The following IL12RB2 variants were observed in gnomAD, a reference collection of about 807,000 sequenced individuals.
The protein encoded by IL12RB2 is interleukin 12 receptor subunit beta 2, also known as interleukin-12 receptor subunit beta-2.
IL12RB2 carries 82 observed loss-of-function variants against 89.4 expected under a neutral mutation model. The ratio of observed to expected loss-of-function variants is 0.92; its 90% CI spans 0.77 to 1.10. IL12RB2 has a LOEUF of 1.10. Among genes scored for constraint, IL12RB2 ranks in the 50% least tolerant of loss-of-function variants. The pLI, the probability that IL12RB2 is intolerant of heterozygous loss-of-function variation, is 0.00. For synonymous variants in IL12RB2, 368 were observed against 370.1 expected (o/e 0.99, Z 0.07); for missense variants, 963 against 1,031.9 (o/e 0.93, Z 0.92).
chr1:67,372,078 C>CTGTGTG (rs10674846), intron 11 of IL12RB2, among the ~76,000 whole-genome samples: 155 of 144,060 alleles, frequency 1.1e-3, no homozygotes, highest in African/African-American at 2.1e-3. Flanking sequence ...GTGTGTGTGT[C>CTGTGTG]TGTGTGTGTG....
chr1:67,318,817 A>G (rs1287673031), intron 2 of IL12RB2, among the ~76,000 whole-genome samples: 1 of 152,108 alleles, frequency 6.6e-6, no homozygotes, highest in Non-Finnish European at 1.5e-5. Flanking sequence ...TCTACTCTGA[A>G]ATCTTTAGCT....
chr1:67,378,242 T>A (rs1664187004), intron 13 of IL12RB2, among the ~76,000 whole-genome samples: 1 of 152,182 alleles, frequency 6.6e-6, no homozygotes, highest in Non-Finnish European at 1.5e-5. Context: ...CCCCAGCTTT[T>A]GAAAGGTCAC....
chr1:67,360,901 C>T (rs901917677), intron 10 of IL12RB2, among the ~76,000 whole-genome samples: 2 of 152,112 alleles, frequency 1.3e-5, no homozygotes, highest in African/African-American at 4.8e-5. Context: ...CAGAACCTAA[C>T]CAGCCTGGTG....
chr1:67,359,347 A>T (rs1489356198), intron 10 of IL12RB2, among the ~76,000 whole-genome samples: 1 of 152,228 alleles, frequency 6.6e-6, no homozygotes, highest in African/African-American at 2.4e-5. Context: ...AGATAGCACA[A>T]GAAAAGTTAT....
intron 4 of IL12RB2, among the ~76,000 whole-genome samples, chr1:67,326,431 T>C (rs984703171): frequency 6.7e-6 from 1 of 150,350 alleles, no homozygotes; most frequent in African/African-American, 2.5e-5. Flanking sequence ...GTTTCCTCTC[T>C]GAAAAAAAAT....
chr1:67,371,262 G>A (rs1663270530), intron 11 of IL12RB2, among the ~76,000 whole-genome samples: 1 of 152,198 alleles, frequency 6.6e-6, no homozygotes. Flanking sequence ...CATGGCATGT[G>A]TTTTGATCTT....
chr1:67,314,411 A>T, intron 2 of IL12RB2, among the ~76,000 whole-genome samples: 1 of 152,196 alleles, frequency 6.6e-6, no homozygotes, highest in East Asian at 1.9e-4. Context: ...TCATGAATCC[A>T]TGACACCATG....
At chr1:67,353,443 G>T (rs531330005) in intron 10 of IL12RB2, among the ~76,000 whole-genome samples, 1 of 152,124 alleles carries the variant, frequency 6.6e-6, no homozygotes, top group Non-Finnish European at 1.5e-5. Context: ...GGTGGCTCAC[G>T]CCTGTGGTTC....
intron 6 of IL12RB2, among the ~76,000 whole-genome samples, chr1:67,328,744 C>T (rs1657663807): frequency 6.6e-6 from 1 of 152,154 alleles, no homozygotes. Flanking sequence ...CCTTTCGCCC[C>T]CATGGCTACT....
intron 14 of IL12RB2, 50 bp from the exon 15 acceptor site, chr1:67,386,529 A>T: frequency 7.9e-7 from 1 of 1,273,098 alleles, no homozygotes; most frequent in South Asian, 1.2e-5. Flanking sequence ...GGATTTTGAA[A>T]TGTTCATTGG....
intron 9 of IL12RB2, among the ~76,000 whole-genome samples, chr1:67,348,936 A>G (rs1348775792): frequency 6.6e-6 from 1 of 152,024 alleles, no homozygotes; most frequent in Non-Finnish European, 1.5e-5. Context: ...TCCCACTCCC[A>G]CCTTTTCATT....
chr1:67,369,190 T>C (rs1308469951), intron 11 of IL12RB2, among the ~76,000 whole-genome samples: 5 of 152,178 alleles, frequency 3.3e-5, no homozygotes, highest in African/African-American at 1.2e-4. Flanking sequence ...GCTGCCTACA[T>C]AACCTAGTCA....
At chr1:67,323,980 T>G (rs1318999166) in intron 4 of IL12RB2, among the ~76,000 whole-genome samples, 1 of 152,172 alleles carries the variant, frequency 6.6e-6, no homozygotes, top group Non-Finnish European at 1.5e-5. Context: ...GTGATTCAGA[T>G]AATTGGCTTG....
upstream of IL12RB2, chr1:67,307,546 C>T (rs1569631318): frequency 6.6e-6 from 1 of 152,262 alleles, no homozygotes; most frequent in Admixed American, 6.5e-5. Flanking sequence ...CTTTATTATC[C>T]GCATTTTATA....
At chr1:67,352,671 T>G (rs1289315775) in intron 10 of IL12RB2, among the ~76,000 whole-genome samples, 1 of 152,172 alleles carries the variant, frequency 6.6e-6, no homozygotes, top group East Asian at 1.9e-4. Flanking sequence ...CTCTCTATAT[T>G]TATCAATATA....
At chr1:67,334,510 G>T (rs1267691127) in intron 8 of IL12RB2, among the ~76,000 whole-genome samples, 4 of 152,168 alleles carry the variant, frequency 2.6e-5, no homozygotes, top group African/African-American at 9.7e-5. Flanking sequence ...ACGGAGTCTG[G>T]CTCTGTCACC....
chr1:67,388,749 A>AT (rs1036242803), intron 15 of IL12RB2, among the ~76,000 whole-genome samples: 14 of 152,158 alleles, frequency 9.2e-5, no homozygotes, highest in Non-Finnish European at 1.9e-4. Flanking sequence ...AACATGTATT[A>AT]TTTTTCAAAG....
At chr1:67,348,109 C>T (rs1660432033) in intron 9 of IL12RB2, among the ~76,000 whole-genome samples, 1 of 152,114 alleles carries the variant, frequency 6.6e-6, no homozygotes, top group Non-Finnish European at 1.5e-5. Flanking sequence ...GAAGAGTCGG[C>T]GGGCTCCTCC....
chr1:67,333,294 G>A (rs991786982), intron 8 of IL12RB2, among the ~76,000 whole-genome samples: 5 of 151,554 alleles, frequency 3.3e-5, no homozygotes, highest in African/African-American at 7.3e-5. Flanking sequence ...TGATGTAAAC[G>A]TAAAAGGTGT....
Sources: gnomAD v4.1 joint callset for allele counts (sites outside exome capture counted in the v4.1 genomes callset) on GRCh38, gnomAD v4.1.1 for gene constraint, MANE v1.5 for transcripts, NCBI Gene and HGNC (gene_info 2026-07-23, HGNC 2026-07-21) for gene names.